PARD3B: variants seen among roughly 807,000 people sequenced by gnomAD.
The protein encoded by PARD3B is partitioning defective 3 homolog B.
A neutral mutation model predicts 130.2 loss-of-function variants in PARD3B; 103 were observed. The observed-to-expected ratio is 0.79, with a 90% CI of 0.67 to 0.93. PARD3B has a LOEUF of 0.93. PARD3B is among the 40% of genes least tolerant of loss of function. PARD3B has a pLI of 0.00. For missense variants in PARD3B, 1,609 were observed against 1,499.2 expected (o/e 1.07, Z -1.21); for synonymous variants, 583 against 553.2 (o/e 1.05, Z -0.76).
chr2:204,746,018 A>T (rs549091748), intron 2 of PARD3B, among the ~76,000 whole-genome samples: 1 of 150,982 alleles, frequency 6.6e-6, no homozygotes, highest in Non-Finnish European at 1.5e-5. Flanking sequence ...TCTAGGGTAC[A>T]TGTGTACAAC....
chr2:204,899,269 C>T (rs948070070), intron 2 of PARD3B, among the ~76,000 whole-genome samples: 1 of 124,784 alleles, frequency 8.0e-6, no homozygotes, highest in African/African-American at 3.0e-5. Flanking sequence ...TTCCTTCCTT[C>T]CTTCCTTCCT....
chr2:204,713,996 T>C (rs2125305461), intron 2 of PARD3B, among the ~76,000 whole-genome samples: 1 of 152,314 alleles, frequency 6.6e-6, no homozygotes, highest in Non-Finnish European at 1.5e-5. Context: ...AGGAAATATA[T>C]GTATGTTTAT....
chr2:204,950,040 A>G (rs1414524400), intron 2 of PARD3B, among the ~76,000 whole-genome samples: 1 of 152,250 alleles, frequency 6.6e-6, no homozygotes, highest in Non-Finnish European at 1.5e-5. Flanking sequence ...CTAGCATTAA[A>G]TGAGCAATTC....
At position 205,301,022 on chromosome 2, in the gene PARD3B, A is replaced by C. The variant is rs1038923488; in HGVS notation, c.2392+286A>C. Among the ~76,000 whole-genome samples the C allele has an allele frequency of 1.3e-5, 2 of 152,224 alleles. No individual in the cohort carries two copies. Among genetic ancestry groups the C allele is most frequent in the African/African-American group, 2.4e-5 (1 of 41,460 alleles). Reference sequence around the variant, plus strand: ...ATTTACCCTTAGGGTAGGAGCACTAAGTATGCATTTCTTGACATTCTCATT... The same window carrying C: ...ATTTACCCTTAGGGTAGGAGCACTACGTATGCATTTCTTGACATTCTCATT... On this transcript the variant is annotated intron_variant, in intron 17 of 22. Transcript: ENST00000406610. The surrounding 1 kb of genome is among the most constrained non-coding windows in gnomAD (Gnocchi z 5.2).
At chr2:204,586,787 A>T (rs745459203) in intron 1 of PARD3B, among the ~76,000 whole-genome samples, 1 of 152,222 alleles carries the variant, frequency 6.6e-6, no homozygotes, top group East Asian at 1.9e-4. Flanking sequence ...ATATTTTAAC[A>T]TAGTACGTGA....
intron 4 of PARD3B, among the ~76,000 whole-genome samples, chr2:205,059,956 T>G (rs1015586827): frequency 6.6e-6 from 1 of 152,126 alleles, no homozygotes; most frequent in African/African-American, 2.4e-5. Flanking sequence ...CATGAACATC[T>G]GCAAGTTCAG....
intron 2 of PARD3B, among the ~76,000 whole-genome samples, chr2:204,840,893 G>T (rs2125587298): frequency 6.6e-6 from 1 of 152,172 alleles, no homozygotes; most frequent in East Asian, 1.9e-4. Context: ...AAGCTTTATT[G>T]TATGTAAGTA....
intron 7 of PARD3B, among the ~76,000 whole-genome samples, chr2:205,120,909 G>A (rs2030626986): frequency 6.6e-6 from 1 of 152,236 alleles, no homozygotes; most frequent in South Asian, 2.1e-4. Context: ...CTAGAGGCAT[G>A]AGGAAGAAGA....
At chr2:205,246,492 A>T (rs2039579100) in intron 16 of PARD3B, among the ~76,000 whole-genome samples, 1 of 152,154 alleles carries the variant, frequency 6.6e-6, no homozygotes, top group Non-Finnish European at 1.5e-5. Flanking sequence ...AGTTGAAAAC[A>T]TTTAAAGCTA....
chr2:204,959,491 C>A (rs905751215), intron 2 of PARD3B, among the ~76,000 whole-genome samples: 9 of 152,036 alleles, frequency 5.9e-5, no homozygotes, highest in African/African-American at 2.2e-4. Context: ...TGGGTATGTA[C>A]CCAGTAATGG....
At chr2:204,567,145 G>T (rs2031724012) in intron 1 of PARD3B, among the ~76,000 whole-genome samples, 1 of 152,164 alleles carries the variant, frequency 6.6e-6, no homozygotes. Context: ...CTCCCAAAGT[G>T]CTGGGATTAC....
At chr2:205,082,079 T>TATTGGATCATTACTGGTAATTGGGTC (rs1443210747) in intron 4 of PARD3B, among the ~76,000 whole-genome samples, 1 of 152,200 alleles carries the variant, frequency 6.6e-6, no homozygotes, top group Admixed American at 6.5e-5. Context: ...CCATCTTTCT[T>TATTGGATCATTACTGGTAATTGGGTC]ATTGGATCAT....
At chr2:205,408,486 T>C (rs1459108804) in intron 19 of PARD3B, among the ~76,000 whole-genome samples, 1 of 152,094 alleles carries the variant, frequency 6.6e-6, no homozygotes, top group East Asian at 1.9e-4. Context: ...ATGAAGATGC[T>C]TATTAGAGTC....
chr2:205,401,808 T>G (rs926503487), intron 19 of PARD3B, among the ~76,000 whole-genome samples: 56 of 152,174 alleles, frequency 3.7e-4, no homozygotes, highest in African/African-American at 1.3e-3. Flanking sequence ...TGTTCATATT[T>G]CTCCTGAAAA....
At chr2:205,188,352 T>C (rs1397702302) in intron 14 of PARD3B, among the ~76,000 whole-genome samples, 2 of 152,212 alleles carry the variant, frequency 1.3e-5, no homozygotes. Context: ...GGGCATTGTC[T>C]GTCCTGCTCC....
chr2:204,621,563 A>G (rs1373553109), intron 1 of PARD3B, among the ~76,000 whole-genome samples: 2 of 152,188 alleles, frequency 1.3e-5, no homozygotes, highest in African/African-American at 2.4e-5. Context: ...ACTTTTCTCC[A>G]TTTTAAATCT....
chr2:204,630,812 T>C (rs551582928), intron 1 of PARD3B, among the ~76,000 whole-genome samples: 2 of 152,318 alleles, frequency 1.3e-5, no homozygotes, highest in East Asian at 3.9e-4. Flanking sequence ...AGTGATAATA[T>C]CCCACTTATC....
chr2:204,678,183 G>T lies in PARD3B; in HGVS notation c.121-7998G>T, dbSNP rs554902232. Reference sequence around the variant, plus strand: ...AAACCGCTTGTGGGAGGGGGAGCACGCAGGTGAGCAGGTGCAGGACCTGGG... The same window carrying T: ...AAACCGCTTGTGGGAGGGGGAGCACTCAGGTGAGCAGGTGCAGGACCTGGG... On this transcript the variant is annotated intron_variant, in intron 1 of 22. Transcript: ENST00000406610. The surrounding 1 kb of genome is among the most constrained non-coding windows in gnomAD (Gnocchi z 4.2). Among the ~76,000 whole-genome samples the T allele has an allele frequency of 2.6e-5, 4 of 152,148 alleles. No individual in the cohort carries two copies. The highest frequency in any genetic ancestry group is 5.9e-5 in the Non-Finnish European group (4 of 68,038).
At chr2:205,213,405 A>G (rs1175208605) in intron 15 of PARD3B, among the ~76,000 whole-genome samples, 1 of 152,072 alleles carries the variant, frequency 6.6e-6, no homozygotes, top group Non-Finnish European at 1.5e-5. Flanking sequence ...GTGATACTGT[A>G]TACTTCTTGG....
Sources: gnomAD v4.1 joint callset for allele counts (sites outside exome capture counted in the v4.1 genomes callset) on GRCh38, gnomAD v4.1.1 for gene constraint, Gnocchi (gnomAD v3.1) non-coding constraint, MANE v1.5 for transcripts, NCBI Gene and HGNC (gene_info 2026-07-23, HGNC 2026-07-21) for gene names.